The following CSMD1 variants were observed in gnomAD, a reference collection of about 807,000 sequenced individuals.
CSMD1 encodes the protein CUB and sushi domain-containing protein 1.
In CSMD1, 213 loss-of-function variants were observed where a neutral mutation model predicts 417.5. That is an observed-to-expected ratio of 0.51 (90% CI 0.46 to 0.57). The LOEUF (loss-of-function observed/expected upper bound fraction) is 0.57. Among genes scored for constraint, CSMD1 ranks in the 20% least tolerant of loss-of-function variants. CSMD1 has a pLI of 0.00. For synonymous variants in CSMD1, 2,862 were observed against 1,736.8 expected (o/e 1.65, Z -16.11); for missense variants, 6,923 against 4,529.7 (o/e 1.53, Z -15.17).
chr8:3,262,314 C>A (rs1455870546), intron 26 of CSMD1, among the ~76,000 whole-genome samples: 1 of 144,654 alleles, frequency 6.9e-6, no homozygotes. Context: ...TCTGAATGTA[C>A]CTTTGTGATA....
At chr8:3,894,623 G>C (rs1807229589) in intron 5 of CSMD1, among the ~76,000 whole-genome samples, 1 of 152,136 alleles carries the variant, frequency 6.6e-6, no homozygotes, top group South Asian at 2.1e-4. Flanking sequence ...TAAATGCTCA[G>C]TGCTAAGGCT....
rs371414791 is a variant in CSMD1, at chr8:3,291,272, T to A, written c.3951-6926A>T. ...TTGCATCGATGTTCATAAGGGATAT[T>A]GGTCTAAAATTCTCTTTTTTTGTTG... On this transcript the variant is annotated intron_variant, in intron 25 of 69. Transcript: ENST00000635120. 3.0e-4 allele frequency among the ~76,000 whole-genome samples: 45 copies of A among 152,300 alleles called. 1 individual carries two copies. In the South Asian group the frequency reaches 9.3e-3, roughly 32 times the overall value.
chr8:3,476,376 G>A (rs1817424029), intron 11 of CSMD1, among the ~76,000 whole-genome samples: 1 of 152,018 alleles, frequency 6.6e-6, no homozygotes, highest in Admixed American at 6.6e-5. Flanking sequence ...TATTCACAAT[G>A]TTTCTATTTT....
intron 12 of CSMD1, among the ~76,000 whole-genome samples, chr8:3,439,057 A>T (rs1161838598): frequency 8.2e-6 from 1 of 121,546 alleles, no homozygotes; most frequent in African/African-American, 3.1e-5. Flanking sequence ...TGGGAGGTGG[A>T]GGTTGCAGTG....
intron 3 of CSMD1, among the ~76,000 whole-genome samples, chr8:4,315,795 A>G (rs1301387755): frequency 4.2e-5 from 4 of 95,872 alleles, no homozygotes; most frequent in Admixed American, 2.9e-4. Context: ...TGCATAAAGT[A>G]ATTCAAACTT....
chr8:3,887,612 A>C (rs1296183892), intron 5 of CSMD1, among the ~76,000 whole-genome samples: 2 of 152,222 alleles, frequency 1.3e-5, no homozygotes, highest in Non-Finnish European at 2.9e-5. Flanking sequence ...TCCCCAGGTA[A>C]TTCTAATATA....
chr8:4,026,272 G>A (rs117370862), intron 4 of CSMD1, among the ~76,000 whole-genome samples: 2,119 of 152,168 alleles, frequency 0.014, 110 homozygotes, highest in Admixed American at 0.094. Flanking sequence ...GTAATGGAAC[G>A]CAATTTGAAG....
At chr8:4,122,729 AG>A (rs1802556095) in intron 3 of CSMD1, among the ~76,000 whole-genome samples, 1 of 152,094 alleles carries the variant, frequency 6.6e-6, no homozygotes, top group African/African-American at 2.4e-5. Context: ...TTTTCCTAGA[AG>A]TAACACTTTC....
Position 4,337,523 on chromosome 8 carries a change from G to A in CSMD1, c.415+82430C>T, listed in dbSNP as rs144395414. On this transcript the variant is annotated intron_variant, in intron 3 of 69. Coordinates refer to ENST00000635120, the MANE Select transcript of CSMD1 (RefSeq NM_033225.6). ...TCTAAGGATAATTAATACTCAGATC[G>A]TAACATTATTTTTAAAAATAAACTC... Among the ~76,000 whole-genome samples the A allele has an allele frequency of 5.7e-4, 87 of 152,076 alleles. 1 individual carries two copies. Among genetic ancestry groups the A allele is most frequent in the African/African-American group, 8.9e-4 (37 of 41,482 alleles).
At chr8:3,477,364 G>C (rs1414547872) in intron 11 of CSMD1, among the ~76,000 whole-genome samples, 1 of 152,192 alleles carries the variant, frequency 6.6e-6, no homozygotes, top group East Asian at 1.9e-4. Context: ...CTGCTTTGTA[G>C]TCTTTATGTT....
chr8:4,849,612 C>G (rs1801348279), intron 1 of CSMD1, among the ~76,000 whole-genome samples: 1 of 152,096 alleles, frequency 6.6e-6, no homozygotes, highest in East Asian at 1.9e-4. Context: ...GTGACCTTTT[C>G]TATTTTTAAA....
intron 42 of CSMD1, among the ~76,000 whole-genome samples, chr8:3,114,343 G>C (rs1816724657): frequency 6.6e-6 from 1 of 151,740 alleles, no homozygotes; most frequent in African/African-American, 2.4e-5. Context: ...CTAGTATTAT[G>C]TTAAGTTTTT....
At chr8:4,075,249 T>TA (rs1424489969) in intron 3 of CSMD1, among the ~76,000 whole-genome samples, 2 of 152,086 alleles carry the variant, frequency 1.3e-5, no homozygotes, top group East Asian at 3.9e-4. Flanking sequence ...TAGGATAATC[T>TA]AAAAAACAAA....
At chr8:4,130,657 A>C (rs1366305997) in intron 3 of CSMD1, among the ~76,000 whole-genome samples, 1 of 152,110 alleles carries the variant, frequency 6.6e-6, no homozygotes, top group African/African-American at 2.4e-5. Context: ...CTTTGAAGTA[A>C]TCATTTTGTG....
chr8:3,598,653 T>C (rs1801207707), intron 8 of CSMD1, among the ~76,000 whole-genome samples: 2 of 152,132 alleles, frequency 1.3e-5, no homozygotes, highest in African/African-American at 4.8e-5. Flanking sequence ...CTCATTTTGC[T>C]AAGGAAATGA....
At chr8:3,892,216 A>T (rs1807023210) in intron 5 of CSMD1, among the ~76,000 whole-genome samples, 1 of 152,210 alleles carries the variant, frequency 6.6e-6, no homozygotes, top group African/African-American at 2.4e-5. Flanking sequence ...ACAAGGTTAA[A>T]TTAAAGTGCT....
chr8:3,391,890 A>T (rs1207675689), intron 17 of CSMD1, among the ~76,000 whole-genome samples: 2 of 152,192 alleles, frequency 1.3e-5, no homozygotes, highest in Non-Finnish European at 2.9e-5. Flanking sequence ...ATGTATGATG[A>T]AACAGAAGAG....
intron 15 of CSMD1, among the ~76,000 whole-genome samples, chr8:3,404,654 A>C (rs1339071041): frequency 6.6e-6 from 1 of 152,202 alleles, no homozygotes; most frequent in East Asian, 1.9e-4. Context: ...AACTGAGAAA[A>C]TAAAAATAAA....
At chr8:4,583,036 C>T (rs1191017916) in intron 2 of CSMD1, among the ~76,000 whole-genome samples, 1 of 152,204 alleles carries the variant, frequency 6.6e-6, no homozygotes, top group African/African-American at 2.4e-5. Flanking sequence ...CTGTGCTCGA[C>T]TTCTCACCCG....
Sources: gnomAD v4.1 joint callset for allele counts (sites outside exome capture counted in the v4.1 genomes callset) on GRCh38, gnomAD v4.1.1 for gene constraint, MANE v1.5 for transcripts, NCBI Gene and HGNC (gene_info 2026-07-23, HGNC 2026-07-21) for gene names.